Variants in PTGER3 observed in about 807,000 individuals in gnomAD.
PTGER3 encodes the protein prostaglandin E receptor 3, also known as prostaglandin E2 receptor EP3 subtype.
A neutral mutation model predicts 34.7 loss-of-function variants in PTGER3; 22 were observed. The observed-to-expected ratio is 0.63, with a 90% CI of 0.45 to 0.91. The LOEUF (loss-of-function observed/expected upper bound fraction) is 0.91. Ranked by LOEUF, PTGER3 falls within the 40% of genes least tolerant of loss-of-function variation. The pLI is 0.00. For missense variants in PTGER3, 468 were observed against 519.4 expected (o/e 0.90, Z 0.96); for synonymous variants, 241 against 230.1 (o/e 1.05, Z -0.43).
chr1:70,985,696 C>G (rs1017828587), intron 2 of PTGER3, among the ~76,000 whole-genome samples: 1 of 152,152 alleles, frequency 6.6e-6, no homozygotes, highest in Non-Finnish European at 1.5e-5. Flanking sequence ...TGCCTTTGCT[C>G]GCTAGAAGCA....
intron 2 of PTGER3, chr1:71,008,859 T>C: frequency 1.0e-6 from 1 of 961,660 alleles, no homozygotes; most frequent in Non-Finnish European, 1.2e-6. Flanking sequence ...TTTTTATGTG[T>C]TTGTAATAAT....
chr1:71,043,817 T>G (rs1660513644), intron 1 of PTGER3, among the ~76,000 whole-genome samples: 1 of 151,744 alleles, frequency 6.6e-6, no homozygotes, highest in Non-Finnish European at 1.5e-5. Context: ...GTTTTTTTTT[T>G]GTTTTTTGTT....
intron 1 of PTGER3, among the ~76,000 whole-genome samples, chr1:71,046,110 T>C (rs1162038551): frequency 6.7e-6 from 1 of 149,096 alleles, no homozygotes; most frequent in African/African-American, 2.5e-5. Context: ...TGAAACCCCG[T>C]CTCTACTAAA....
At chr1:70,901,929 G>A (rs1646848561) in intron 4 of PTGER3, among the ~76,000 whole-genome samples, 1 of 152,084 alleles carries the variant, frequency 6.6e-6, no homozygotes, top group South Asian at 2.1e-4. Flanking sequence ...TCAAAGCTCA[G>A]GGCAGAGATT....
At chr1:70,903,355 A>G (rs1331057974) in intron 4 of PTGER3, among the ~76,000 whole-genome samples, 2 of 152,224 alleles carry the variant, frequency 1.3e-5, no homozygotes, top group Non-Finnish European at 2.9e-5. Context: ...TGGAAAAGCA[A>G]CATAACACCT....
At chr1:70,955,103 G>T (rs1416723804) in intron 2 of PTGER3, among the ~76,000 whole-genome samples, 1 of 152,092 alleles carries the variant, frequency 6.6e-6, no homozygotes, top group Non-Finnish European at 1.5e-5. Flanking sequence ...CATTGAAAAT[G>T]TTTTGAAACT....
chr1:70,975,694 T>C (rs1653620954), intron 2 of PTGER3, among the ~76,000 whole-genome samples: 1 of 152,182 alleles, frequency 6.6e-6, no homozygotes, highest in Non-Finnish European at 1.5e-5. Flanking sequence ...CATGTTTTCT[T>C]TGCAGCAAAA....
At chr1:70,952,916 C>A (rs1308553500) in exon 4 of PTGER3, 1 of 1,607,360 alleles carries the variant, frequency 6.2e-7, no homozygotes, top group Non-Finnish European at 8.5e-7. Context: ...GTTATTCTGT[C>A]TTTACTGTTG....
chr1:70,932,208 C>T (rs548364216), intron 4 of PTGER3, among the ~76,000 whole-genome samples: 1 of 152,300 alleles, frequency 6.6e-6, no homozygotes, highest in African/African-American at 2.4e-5. Context: ...CCATCTGAGA[C>T]CACATCAGCC....
intron 2 of PTGER3, among the ~76,000 whole-genome samples, chr1:70,964,058 C>T (rs688618): frequency 0.33 from 49,894 of 151,976 alleles, 8,953 homozygotes; most frequent in South Asian, 0.44. Context: ...GTTCCAGTTC[C>T]CAACAAGTTC....
chr1:70,969,173 C>T (rs1006904242), downstream of PTGER3, among the ~76,000 whole-genome samples: 1 of 152,104 alleles, frequency 6.6e-6, no homozygotes, highest in African/African-American at 2.4e-5. Context: ...CACCATTGCA[C>T]TCCAGCCTGG....
intron 1 of PTGER3, among the ~76,000 whole-genome samples, chr1:71,015,499 C>G (rs1557742800): frequency 6.6e-6 from 1 of 152,194 alleles, no homozygotes; most frequent in Admixed American, 6.5e-5. Flanking sequence ...GCAAAATTGA[C>G]TACTATTGTG....
At chr1:71,001,617 C>T (rs1283093903) in intron 2 of PTGER3, among the ~76,000 whole-genome samples, 1 of 152,204 alleles carries the variant, frequency 6.6e-6, no homozygotes, top group Non-Finnish European at 1.5e-5. Flanking sequence ...AAAAGCTTAT[C>T]TGTGTTTAGC....
At chr1:70,982,798 C>G (rs772935279) in intron 2 of PTGER3, among the ~76,000 whole-genome samples, 74 of 151,846 alleles carry the variant, frequency 4.9e-4, no homozygotes, top group Non-Finnish European at 9.0e-4. Context: ...TCATTTTCTC[C>G]TTCCTCATTC....
At chr1:70,923,982 G>T (rs964488840) in intron 4 of PTGER3, among the ~76,000 whole-genome samples, 3 of 152,092 alleles carry the variant, frequency 2.0e-5, no homozygotes, top group Admixed American at 6.6e-5. Context: ...GCCAATAAAA[G>T]TCCCTTGGGG....
chr1:70,999,036 C>T (rs34342579), intron 2 of PTGER3, among the ~76,000 whole-genome samples: 37,794 of 151,924 alleles, frequency 0.25, 4,907 homozygotes, highest in African/African-American at 0.3. Context: ...AAAAATTAGC[C>T]GGGCGTGGTG....
At chr1:70,958,221 G>T (rs1025087813) in intron 2 of PTGER3, among the ~76,000 whole-genome samples, 2 of 152,096 alleles carry the variant, frequency 1.3e-5, no homozygotes, top group African/African-American at 4.8e-5. Context: ...GCCCAGTAAT[G>T]AGCTTGCTAG....
intron 4 of PTGER3, among the ~76,000 whole-genome samples, chr1:70,917,578 G>C (rs1004371635): frequency 6.6e-6 from 1 of 151,894 alleles, no homozygotes; most frequent in African/African-American, 2.4e-5. Context: ...ACCCAGTAAA[G>C]AGATTGCTGG....
At chr1:71,006,528 G>A (rs1414454829) in intron 2 of PTGER3, 1 of 984,306 alleles carries the variant, frequency 1.0e-6, no homozygotes, top group African/African-American at 1.7e-5. Flanking sequence ...AAATCCACAA[G>A]AAAGGGAAAT....
Sources: allele counts gnomAD v4.1 joint callset (sites outside exome capture counted in the v4.1 genomes callset), GRCh38; gene constraint gnomAD v4.1.1; transcripts MANE v1.5; gene names NCBI Gene and HGNC (gene_info 2026-07-23, HGNC 2026-07-21).